RPS6KA2: variants seen among roughly 807,000 people sequenced by gnomAD.
RPS6KA2 encodes the protein ribosomal protein S6 kinase alpha-2.
In RPS6KA2, 42 loss-of-function variants were observed where a neutral mutation model predicts 91.8. The observed-to-expected ratio is 0.46, with a 90% CI of 0.36 to 0.59. The LOEUF (loss-of-function observed/expected upper bound fraction) is 0.59. Ranked by LOEUF, RPS6KA2 falls within the 20% of genes least tolerant of loss-of-function variation. The pLI, the probability that RPS6KA2 is intolerant of heterozygous loss-of-function variation, is 0.00. For synonymous variants in RPS6KA2, 414 were observed against 393.6 expected, an observed-to-expected ratio of 1.05 and a Z score of -0.61; for missense variants, 798 against 978.5, an observed-to-expected ratio of 0.82 and a Z score of 2.46.
intron 2 of RPS6KA2, among the ~76,000 whole-genome samples, chr6:166,721,076 A>G (rs773134530): frequency 2.6e-5 from 4 of 152,226 alleles, no homozygotes; most frequent in African/African-American, 9.6e-5. Context: ...CAAGTGCTCC[A>G]TCGTTACTTT....
At chr6:166,712,624 C>A (rs1285467825) in intron 2 of RPS6KA2, among the ~76,000 whole-genome samples, 1 of 152,168 alleles carries the variant, frequency 6.6e-6, no homozygotes, top group Non-Finnish European at 1.5e-5. Flanking sequence ...CATGCACCTG[C>A]AGAAGTAGTG....
intron 2 of RPS6KA2, among the ~76,000 whole-genome samples, chr6:166,764,067 C>A (rs1778241537): frequency 6.6e-6 from 1 of 152,186 alleles, no homozygotes; most frequent in Non-Finnish European, 1.5e-5. Context: ...TGAGGAATTG[C>A]CATGTGCGGG....
chr6:166,680,063 T>C (rs1486588452), intron 2 of RPS6KA2, among the ~76,000 whole-genome samples: 1 of 152,190 alleles, frequency 6.6e-6, no homozygotes, highest in Non-Finnish European at 1.5e-5. Context: ...AGCTAAAGGT[T>C]TGTAAACGCA....
intron 16 of RPS6KA2, among the ~76,000 whole-genome samples, chr6:166,425,905 T>G (rs1218862379): frequency 1.3e-5 from 2 of 151,986 alleles, no homozygotes; most frequent in East Asian, 1.9e-4. Flanking sequence ...AGACAGAAAG[T>G]TAACAGGGAT....
intron 2 of RPS6KA2, among the ~76,000 whole-genome samples, chr6:166,534,657 C>T (rs1392375009): frequency 6.6e-6 from 1 of 152,226 alleles, no homozygotes; most frequent in Non-Finnish European, 1.5e-5. Flanking sequence ...AAACTTTTCT[C>T]TCTCGTATGT....
chr6:166,479,523 AGGTGAGGTGGCAGCCAT>A (rs893049735), intron 10 of RPS6KA2, among the ~76,000 whole-genome samples: 3 of 152,032 alleles, frequency 2.0e-5, no homozygotes, highest in African/African-American at 2.4e-5. Flanking sequence ...CTGCCAGGTG[AGGTGAGGTGGCAGCCAT>A]GGTGAGGTGG....
chr6:166,796,895 A>G (rs9459761), intron 2 of RPS6KA2, among the ~76,000 whole-genome samples: 48,749 of 152,150 alleles, frequency 0.32, 8,163 homozygotes, highest in African/African-American at 0.38. Flanking sequence ...ACACTTACAC[A>G]ACTCTTTTCT....
Position 166,411,438 on chromosome 6 carries a change from C to G in RPS6KA2, c.*1324G>C, listed in dbSNP as rs1778300873. On this transcript the variant is annotated 3_prime_UTR_variant, in exon 21 of 21. Coordinates refer to ENST00000265678, the MANE Select transcript of RPS6KA2 (RefSeq NM_021135.6). The surrounding 1 kb of genome is among the most constrained non-coding windows in gnomAD (Gnocchi z 4.5). ...GGCCGCCAGGGAGCATCTTCAACAC[C>G]CTTACAGGACAATGAAGGACCCGTG... The G allele has an allele frequency of 6.6e-6, 1 of 152,060 alleles. No homozygotes were observed. The highest frequency in any genetic ancestry group is 6.6e-5 in the Admixed American group (1 of 15,266). The allele number at this position is 152,060 out of a possible 1,614,324, so 9.4% of individuals were successfully genotyped here.
intron 2 of RPS6KA2, among the ~76,000 whole-genome samples, chr6:166,856,652 C>T (rs142636725): frequency 6.6e-6 from 1 of 152,340 alleles, no homozygotes; most frequent in Non-Finnish European, 1.5e-5. Flanking sequence ...AGTAAACACA[C>T]TGAAAGTTCC....
intron 5 of RPS6KA2, among the ~76,000 whole-genome samples, chr6:166,506,906 A>C (rs112571110): frequency 3.9e-4 from 60 of 152,288 alleles, no homozygotes; most frequent in Middle Eastern, 3.4e-3. Context: ...TGGCACTGCC[A>C]TGGGCAGAAT....
At chr6:166,725,957 T>C (rs1192736593) in intron 2 of RPS6KA2, among the ~76,000 whole-genome samples, 2 of 152,182 alleles carry the variant, frequency 1.3e-5, no homozygotes, top group Admixed American at 1.3e-4. Flanking sequence ...CCGACAGATT[T>C]ACTAAATAGC....
chr6:166,483,406 C>T (rs1461480121), intron 10 of RPS6KA2, among the ~76,000 whole-genome samples: 3 of 152,212 alleles, frequency 2.0e-5, no homozygotes, highest in African/African-American at 7.2e-5. Flanking sequence ...TCTCACACAT[C>T]CTGCTGCCAC....
intron 2 of RPS6KA2, among the ~76,000 whole-genome samples, chr6:166,660,910 T>C (rs1401965802): frequency 6.6e-6 from 1 of 152,218 alleles, no homozygotes; most frequent in African/African-American, 2.4e-5. Flanking sequence ...TATGGTTTGC[T>C]TAAAATGCGT....
chr6:166,488,088 T>TA (rs1384861729), intron 10 of RPS6KA2, among the ~76,000 whole-genome samples: 2 of 140,778 alleles, frequency 1.4e-5, no homozygotes, highest in East Asian at 5.3e-4. Context: ...AGGTTAGAGT[T>TA]TAAAAAAAAA....
chr6:166,742,407 T>C (rs531665444), intron 2 of RPS6KA2, among the ~76,000 whole-genome samples: 1 of 152,136 alleles, frequency 6.6e-6, no homozygotes, highest in South Asian at 2.1e-4. Context: ...CAGAGTTGTG[T>C]CATAAGAGAG....
chr6:166,668,247 G>A (rs757782437), intron 2 of RPS6KA2, among the ~76,000 whole-genome samples: 9 of 152,178 alleles, frequency 5.9e-5, no homozygotes, highest in Non-Finnish European at 1.0e-4. Flanking sequence ...AGCATGAGGC[G>A]TGAAGTCCCA....
rs1779752883 is a variant in RPS6KA2, at chr6:166,448,627, C to T, written c.1332+97G>A. The T allele has an allele frequency of 2.1e-6, 3 of 1,423,510 alleles. No homozygotes were observed. The highest frequency in any genetic ancestry group is 1.4e-5 in the African/African-American group (1 of 70,852). The allele number at this position is 1,423,510 out of a possible 1,614,324, so 88.2% of individuals were successfully genotyped here. A position where few individuals can be genotyped will look rare whatever the true frequency, so the allele number is the denominator to read the frequency against. On this transcript the variant is annotated intron_variant, in intron 14 of 20. Coordinates refer to ENST00000265678, the MANE Select transcript of RPS6KA2 (RefSeq NM_021135.6). This position sits in a 1 kb window ranked among gnomAD's most constrained non-coding sequence, Gnocchi z 4.7. The stretch of plus-strand genomic sequence containing the variant: ...CCCACACGCTGCACTCACACAGGGC[C>T]CTGCTATGCTCCTATGCTCCGTGCT...
intron 14 of RPS6KA2, chr6:166,440,129 C>T (rs1779473099): frequency 6.6e-6 from 1 of 152,202 alleles, no homozygotes; most frequent in Admixed American, 6.5e-5. Context: ...TGTTTTAAGC[C>T]ACTAGATGTG....
In RPS6KA2 at chr6:166,531,221, G is replaced by GA; in HGVS notation, c.298+10dup. On this transcript the variant is annotated intron_variant, in intron 3 of 20. Transcript: ENST00000265678. ...TGTCTCTGAAGCAGCCGGCCCTTCC[G>GA]AAGCTCTTACCTTTTAGGGTGGCTT... 6.2e-7 allele frequency: 1 copy of GA among 1,607,316 alleles called. No homozygotes were observed. Among genetic ancestry groups the GA allele is most frequent in the Non-Finnish European group, 8.5e-7 (1 of 1,173,842 alleles).
Sources: allele counts gnomAD v4.1 joint callset (sites outside exome capture counted in the v4.1 genomes callset), GRCh38; gene constraint gnomAD v4.1.1; non-coding constraint Gnocchi (gnomAD v3.1); transcripts MANE v1.5; gene names NCBI Gene and HGNC (gene_info 2026-07-23, HGNC 2026-07-21).